Variants in HCN1 observed in about 807,000 individuals in gnomAD.
The protein encoded by HCN1 is hyperpolarization activated cyclic nucleotide gated potassium channel 1.
HCN1 carries 13 observed loss-of-function variants against 78.9 expected under a neutral mutation model. That is an observed-to-expected ratio of 0.16 (90% CI 0.11 to 0.26). The LOEUF (loss-of-function observed/expected upper bound fraction) is 0.26. Ranked by LOEUF, HCN1 falls within the 10% of genes least tolerant of loss-of-function variation. HCN1 has a pLI of 1.00. For missense variants in HCN1, 810 were observed against 1,154.3 expected (o/e 0.70, Z 4.32); for synonymous variants, 552 against 455.5 (o/e 1.21, Z -2.70).
Position 45,261,976 on chromosome 5 carries a change from G to A in HCN1, c.2618C>T (p.Ser873Leu). The A allele has an allele frequency of 6.2e-7, 1 of 1,614,180 alleles. No homozygotes were observed. Among genetic ancestry groups the A allele is most frequent in the East Asian group, 2.2e-5 (1 of 44,874 alleles). The change falls in exon 8 of 8, where the codon TCA becomes TTA. Residue 873 changes from serine (S) to leucine (L), a missense_variant. Transcript: ENST00000303230. ...TGCGTCTGGGTCTGTGTTTAAGACT[G>A]AGGAAGATTCTCTTGGAAGAGCAGC... ...PAAALPRESS[S>L]VLNTDPDAEK...
intron 2 of HCN1, among the ~76,000 whole-genome samples, chr5:45,534,054 C>T (rs71616296): frequency 2.0e-5 from 3 of 152,086 alleles, no homozygotes; most frequent in African/African-American, 7.2e-5. Flanking sequence ...GCATAGATTT[C>T]TCATTTCAGC....
At chr5:45,691,062 C>T (rs962099247) in intron 1 of HCN1, among the ~76,000 whole-genome samples, 3 of 151,998 alleles carry the variant, frequency 2.0e-5, no homozygotes, top group Non-Finnish European at 4.4e-5. Context: ...ATTACAAATA[C>T]TATTTATCTT....
chr5:45,405,962 A>G (rs868264316), intron 3 of HCN1, among the ~76,000 whole-genome samples: 8 of 152,166 alleles, frequency 5.3e-5, no homozygotes, highest in South Asian at 4.1e-4. Flanking sequence ...TAAAATACAA[A>G]ATTTGCATTA....
At chr5:45,378,214 T>C (rs1369789158) in intron 4 of HCN1, among the ~76,000 whole-genome samples, 1 of 152,014 alleles carries the variant, frequency 6.6e-6, no homozygotes, top group East Asian at 1.9e-4. Context: ...AGGGTTCCAA[T>C]TTCCTAATGC....
chr5:45,647,290 T>C (rs578048112), intron 1 of HCN1, among the ~76,000 whole-genome samples: 164 of 152,238 alleles, frequency 1.1e-3, no homozygotes, highest in African/African-American at 3.8e-3. Flanking sequence ...AATATACCAT[T>C]CAACACAATA....
chr5:45,286,386 C>T (rs1190563850), intron 6 of HCN1, among the ~76,000 whole-genome samples: 1 of 151,904 alleles, frequency 6.6e-6, no homozygotes, highest in Non-Finnish European at 1.5e-5. Flanking sequence ...GGAGATTGCT[C>T]TGTAGTAACA....
chr5:45,405,753 T>C (rs1245500301), intron 3 of HCN1, among the ~76,000 whole-genome samples: 1 of 152,172 alleles, frequency 6.6e-6, no homozygotes, highest in Non-Finnish European at 1.5e-5. Flanking sequence ...AAAACGTTTG[T>C]ACCTCTGATA....
chr5:45,606,171 T>G (rs1744723791), intron 2 of HCN1, among the ~76,000 whole-genome samples: 1 of 152,026 alleles, frequency 6.6e-6, no homozygotes, highest in Non-Finnish European at 1.5e-5. Context: ...TCTCTCACTT[T>G]TATACCTTAA....
At chr5:45,373,516 A>C (rs1315391498) in intron 4 of HCN1, among the ~76,000 whole-genome samples, 3 of 141,018 alleles carry the variant, frequency 2.1e-5, no homozygotes, top group South Asian at 2.2e-4. Context: ...CATCATCTAT[A>C]ATATATATTA....
At chr5:45,458,726 C>T (rs1020498900) in intron 3 of HCN1, among the ~76,000 whole-genome samples, 8 of 152,098 alleles carry the variant, frequency 5.3e-5, no homozygotes, top group African/African-American at 1.7e-4. Context: ...TATAATCTAG[C>T]TGTGTGACAT....
At chr5:45,549,872 A>C (rs1322069327) in intron 2 of HCN1, among the ~76,000 whole-genome samples, 1 of 152,222 alleles carries the variant, frequency 6.6e-6, no homozygotes, top group Non-Finnish European at 1.5e-5. Context: ...GAAGACATTT[A>C]TGCAGCCAAC....
intron 2 of HCN1, among the ~76,000 whole-genome samples, chr5:45,544,059 G>C (rs1743157953): frequency 6.6e-6 from 1 of 151,938 alleles, no homozygotes; most frequent in Non-Finnish European, 1.5e-5. Flanking sequence ...CCATGATTTT[G>C]AAATTGTTTA....
intron 4 of HCN1, among the ~76,000 whole-genome samples, chr5:45,379,875 G>A (rs1436313501): frequency 6.6e-6 from 1 of 151,884 alleles, no homozygotes; most frequent in Admixed American, 6.6e-5. Context: ...GCTTCTGTTT[G>A]GGATAATGGA....
At position 45,259,598 on chromosome 5, in the gene HCN1, T is replaced by A. The variant is rs1173523044; in HGVS notation, c.*2323A>T. The stretch of plus-strand genomic sequence containing the variant: ...ATATAATTTACCCTGTACCTTTTTA[T>A]TAGTTTAATATATAAACCTTAGTTT... On this transcript the variant is annotated 3_prime_UTR_variant, in exon 8 of 8. Transcript: ENST00000303230. 4.2e-4 allele frequency: 64 copies of A among 152,324 alleles called. No individual in the cohort carries two copies. Among genetic ancestry groups the A allele is most frequent in the Admixed American group, 4.2e-3 (64 of 15,238 alleles). The allele number at this position is 152,324 out of a possible 1,614,324, so 9.4% of individuals were successfully genotyped here.
chr5:45,596,111 G>A (rs1297856286), intron 2 of HCN1, among the ~76,000 whole-genome samples: 1 of 152,012 alleles, frequency 6.6e-6, no homozygotes, highest in East Asian at 1.9e-4. Flanking sequence ...TGTTAGCTAG[G>A]ATGGTCTCTA....
chr5:45,481,531 GA>G (rs1741650819), intron 2 of HCN1, among the ~76,000 whole-genome samples: 1 of 152,206 alleles, frequency 6.6e-6, no homozygotes, highest in South Asian at 2.1e-4. Flanking sequence ...AGTTGTGACT[GA>G]AAGTTGTGGT....
intron 3 of HCN1, among the ~76,000 whole-genome samples, chr5:45,411,516 GC>G (rs1740023265): frequency 6.6e-6 from 1 of 151,790 alleles, no homozygotes; most frequent in Non-Finnish European, 1.5e-5. Context: ...GCGAAGCAGG[GC>G]CCCTTTAAAA....
chr5:45,600,764 T>A (rs1744606331), intron 2 of HCN1, among the ~76,000 whole-genome samples: 1 of 152,174 alleles, frequency 6.6e-6, no homozygotes, highest in Admixed American at 6.6e-5. Context: ...ACAAGATGAA[T>A]GTCAAATAAG....
intron 2 of HCN1, among the ~76,000 whole-genome samples, chr5:45,498,841 C>T (rs1197711400): frequency 4.6e-5 from 7 of 152,184 alleles, no homozygotes; most frequent in African/African-American, 1.2e-4. Context: ...AGTACCCGGC[C>T]GTGTGAGGTG....
Sources: allele counts gnomAD v4.1 joint callset (sites outside exome capture counted in the v4.1 genomes callset), GRCh38; gene constraint gnomAD v4.1.1; transcripts MANE v1.5; gene names NCBI Gene and HGNC (gene_info 2026-07-23, HGNC 2026-07-21).